IGHMBP2: variants seen among roughly 807,000 people sequenced by gnomAD.
IGHMBP2 encodes immunoglobulin mu DNA binding protein 2, also known as DNA-binding protein SMUBP-2.
In IGHMBP2, 81 loss-of-function variants were observed where a neutral mutation model predicts 96.0. The observed-to-expected ratio is 0.84, with a 90% CI of 0.71 to 1.01. The LOEUF (loss-of-function observed/expected upper bound fraction) is 1.01. Ranked by LOEUF, IGHMBP2 falls within the 50% of genes least tolerant of loss-of-function variation. The pLI is 0.00. For synonymous variants in IGHMBP2, 557 were observed against 548.9 expected (o/e 1.01, Z -0.21); for missense variants, 1,227 against 1,306.3 (o/e 0.94, Z 0.94).
intron 6 of IGHMBP2, 89 bp from the exon 7 acceptor site, chr11:68,917,647 G>A: frequency 1.9e-6 from 2 of 1,079,090 alleles, no homozygotes; most frequent in Non-Finnish European, 2.9e-6. Flanking sequence ...TATTGAACTG[G>A]ACTGAATGAT....
rs892709461 is a variant in IGHMBP2 at position 68,904,803 on chromosome 11, C to CTTTTCTTTTTTTTTTTT, written c.86+769_86+770insCTTTTTTTTTTTTTTTT. ...GTGTAAGTTTCTTTTTTTTCTTTTT[C>CTTTTCTTTTTTTTTTTT]TTTTTTTTTTTTTTAGACAGAGTCT... On this transcript the variant is annotated intron_variant, in intron 1 of 14. Transcript: ENST00000255078. 1.7e-4 allele frequency among the ~76,000 whole-genome samples: 20 copies of CTTTTCTTTTTTTTTTTT among 120,982 alleles called. 2 individuals are homozygous for CTTTTCTTTTTTTTTTTT. Among genetic ancestry groups the CTTTTCTTTTTTTTTTTT allele is most frequent in the South Asian group, 5.4e-4 (2 of 3,702 alleles). The allele number at this position is 120,982 out of a possible 152,430, so 79.4% of individuals were successfully genotyped here. A position where few individuals can be genotyped will look rare whatever the true frequency, so the allele number is the denominator to read the frequency against.
In IGHMBP2 at chr11:68,907,444, A is replaced by C. The variant is rs1273469279; in HGVS notation, c.257-701A>C. On this transcript the variant is annotated intron_variant, in intron 2 of 14. Coordinates refer to ENST00000255078, the MANE Select transcript of IGHMBP2 (RefSeq NM_002180.3). ...GTTGGAAAGGAGGGACAGTTAGAAGAAGCTTCTTAACCACACGCCTGGGAT... is the reference window on the plus strand; with the variant it reads ...GTTGGAAAGGAGGGACAGTTAGAAGCAGCTTCTTAACCACACGCCTGGGAT... 4.6e-5 allele frequency among the ~76,000 whole-genome samples: 7 copies of C among 152,150 alleles called. No homozygotes were observed. The East Asian group carries it at 1.3e-3, about 29-fold the overall frequency.
chr11:68,914,976 A>G lies in IGHMBP2; in HGVS notation c.865A>G (p.Ser289Gly). 2 of 1,614,118 alleles carry G rather than the reference A, an allele frequency of 1.2e-6. No individual in the cohort carries two copies. Among genetic ancestry groups the G allele is most frequent in the Non-Finnish European group, 1.7e-6 (2 of 1,180,024 alleles). Residue 289 changes from serine to glycine, a missense_variant, in exon 6 of 15, where the codon AGT (serine) becomes GGT (glycine). Ser to Gly is a moderately conservative substitution (Grantham distance 56). Transcript: ENST00000255078. ...GGATGCGGTTTTAGCGCGGAGCGAC[A>G]GTGCCCAGATTGTTGCAGATATCAG... Reference protein sequence around the residue: ...SLDAVLARSDSAQIVADIRKD... With the variant: ...SLDAVLARSDGAQIVADIRKD...
chr11:68,920,510 T>C (rs1271700819), intron 7 of IGHMBP2, among the ~76,000 whole-genome samples: 1 of 152,262 alleles, frequency 6.6e-6, no homozygotes, highest in African/African-American at 2.4e-5. Flanking sequence ...AGACACGGTC[T>C]CACTGTGTTA....
chr11:68,918,192 C>T (rs1858742098), intron 7 of IGHMBP2, among the ~76,000 whole-genome samples: 1 of 152,010 alleles, frequency 6.6e-6, no homozygotes, highest in African/African-American at 2.4e-5. Context: ...TCCTAATATG[C>T]CCTTATTCTT....
At position 68,914,891 on chromosome 11, in the gene IGHMBP2, G is replaced by A; in HGVS notation, c.780G>A (p.Gln260=). The A allele has an allele frequency of 1.2e-6, 2 of 1,614,234 alleles. No individual in the cohort carries two copies. Among genetic ancestry groups the A allele is most frequent in the Non-Finnish European group, 1.7e-6 (2 of 1,180,036 alleles). Residue 260 remains glutamine (Q), a synonymous_variant, in exon 6 of 15, where the codon CAG becomes CAA. Transcript: ENST00000255078. ...TGGAGCGCCTGGCTCTGTGTAAGCA[G>A]CGGATTCTGCGCCTGGGACACCCTG... ...NLVERLALCK[Q]RILRLGHPAR...
chr11:68,906,437 T>C (rs1265408348), intron 2 of IGHMBP2, 199 bp downstream of exon 2: 1 of 628,726 alleles, frequency 1.6e-6, no homozygotes, highest in Non-Finnish European at 2.8e-6. Context: ...CCATTAGCCA[T>C]GCGTGGTCAT....
At chr11:68,927,251 T>C (rs1260136010) in intron 7 of IGHMBP2, among the ~76,000 whole-genome samples, 1 of 152,262 alleles carries the variant, frequency 6.6e-6, no homozygotes, top group African/African-American at 2.4e-5. Context: ...TTAGTGACTT[T>C]TCTGGACTAA....
Position 68,919,092 on chromosome 11 carries a change from CT to C in IGHMBP2, c.1060+1213del, listed in dbSNP as rs543229510. 1.8e-3 allele frequency among the ~76,000 whole-genome samples: 274 copies of C among 152,176 alleles called. 2 individuals carry two copies. Among genetic ancestry groups the C allele is most frequent in the Non-Finnish European group, 3.2e-3 (216 of 68,016 alleles). Reference sequence around the variant, plus strand: ...CATTTCAAAATGCTATCTCATTTGCCTTTTGGTTTTTTAGAAGTGTTATATA... The same window carrying C: ...CATTTCAAAATGCTATCTCATTTGCCTTTGGTTTTTTAGAAGTGTTATATA... On this transcript the variant is annotated intron_variant, in intron 7 of 14. Transcript: ENST00000255078.
intron 14 of IGHMBP2, 63 bp from the exon 15 acceptor site, chr11:68,939,471 A>C: frequency 6.3e-7 from 1 of 1,575,354 alleles, no homozygotes; most frequent in Non-Finnish European, 8.7e-7. Context: ...TTTGATAGGC[A>C]GAGCTGCAGG....
rs117135302 is a variant in IGHMBP2, at chr11:68,911,767, C to T, written c.711+164C>T. On this transcript the variant is annotated intron_variant, in intron 5 of 14. Transcript: ENST00000255078. ...TGGACTGCCCCTGTTTGATTTCCAG[C>T]ATCCCCGTGAGTCTTGGGGAGCACG... is the stretch of plus-strand genomic sequence containing the variant. Among the ~76,000 whole-genome samples the T allele has an allele frequency of 5.4e-3, 830 of 152,372 alleles. 6 individuals carry two copies. The highest frequency in any genetic ancestry group is 9.0e-3 in the Admixed American group (137 of 15,304).
chr11:68,911,634 G>GC (rs1858441328), intron 5 of IGHMBP2, 31 bp downstream of exon 5: 1 of 1,609,764 alleles, frequency 6.2e-7, no homozygotes, highest in Non-Finnish European at 8.5e-7. Flanking sequence ...CCCTGTCAGA[G>GC]CCCGTCCGCT....
intron 14 of IGHMBP2, among the ~76,000 whole-genome samples, chr11:68,938,933 G>A (rs1410469437): frequency 6.6e-6 from 1 of 152,206 alleles, no homozygotes; most frequent in Non-Finnish European, 1.5e-5. Flanking sequence ...CCACCCAGAT[G>A]CAGCAGTCAG....
intron 1 of IGHMBP2, among the ~76,000 whole-genome samples, chr11:68,905,282 G>A (rs1488965305): frequency 6.6e-6 from 1 of 152,216 alleles, no homozygotes. Flanking sequence ...GCAATGGAGA[G>A]CTTTTGCAGT....
chr11:68,931,850 C>T (rs1453737072), intron 8 of IGHMBP2, among the ~76,000 whole-genome samples: 1 of 151,980 alleles, frequency 6.6e-6, no homozygotes, highest in Non-Finnish European at 1.5e-5. Flanking sequence ...TGAGCAGGGA[C>T]CCTGTTGTGT....
At chr11:68,915,166 C>CTT (rs71043470) in intron 6 of IGHMBP2, 143 bp downstream of exon 6, 2,572 of 204,604 alleles carry the variant, frequency 0.013, 149 homozygotes, top group African/African-American at 0.029. Flanking sequence ...TTGGGCTGCC[C>CTT]TTTTTTTTTT....
chr11:68,936,224 T>G lies in IGHMBP2; in HGVS notation c.1757-13T>G. ...CTGAAACCTGCTTCTCACTCCCCTC[T>G]GGCCTTTTGTAGGTGAAGTTGGTTT... is the stretch of plus-strand genomic sequence containing the variant. On this transcript the variant is annotated splice_polypyrimidine_tract_variant and intron_variant, in intron 12 of 14. Coordinates refer to ENST00000255078, the MANE Select transcript of IGHMBP2 (RefSeq NM_002180.3). 6.2e-7 allele frequency: 1 copy of G among 1,613,796 alleles called. No homozygotes were observed. The highest frequency in any genetic ancestry group is 8.5e-7 in the Non-Finnish European group (1 of 1,179,998).
In IGHMBP2 at chr11:68,914,834, C is replaced by T. The variant is rs754581177; in HGVS notation, c.723C>T (p.Cys241=). ...AVKQGLKVLC[C]APSNIAVDNL... is the part of the protein sequence containing the mutation. ...CTTGCGGTTCCCAGGTTCTGTGCTG[C>T]GCCCCCTCCAACATCGCCGTGGACA... Residue 241 remains cysteine (C), a synonymous_variant, in exon 6 of 15, where the codon TGC becomes TGT. Transcript: ENST00000255078. The T allele has an allele frequency of 9.9e-6, 16 of 1,614,200 alleles. No homozygotes were observed. Among genetic ancestry groups the T allele is most frequent in the Admixed American group, 5.0e-5 (3 of 60,024 alleles).
intron 7 of IGHMBP2, among the ~76,000 whole-genome samples, chr11:68,925,008 T>A (rs762475447): frequency 6.6e-6 from 1 of 152,208 alleles, no homozygotes; most frequent in Non-Finnish European, 1.5e-5. Context: ...TAGCATATTT[T>A]ATGTGTGGCC....
Sources: allele counts gnomAD v4.1 joint callset (sites outside exome capture counted in the v4.1 genomes callset), GRCh38; gene constraint gnomAD v4.1.1; transcripts MANE v1.5; gene names NCBI Gene and HGNC (gene_info 2026-07-23, HGNC 2026-07-21).